The following STK32B variants were observed in gnomAD, a reference collection of about 807,000 sequenced individuals.
STK32B encodes the protein serine/threonine kinase 32B, also known as serine/threonine-protein kinase 32B.
Under a neutral mutation model 52.6 loss-of-function variants are expected in STK32B, and 43 were observed. The ratio of observed to expected loss-of-function variants is 0.82; its 90% CI spans 0.64 to 1.05. The LOEUF is 1.05. Among genes scored for constraint, STK32B ranks in the 50% least tolerant of loss-of-function variants. The probability of loss-of-function intolerance (pLI) is 0.00; values close to 1 mark genes in which losing one functional copy is unlikely to be tolerated. For synonymous variants in STK32B, 238 were observed against 204.3 expected (o/e 1.17, Z -1.41); for missense variants, 621 against 534.6 (o/e 1.16, Z -1.59).
intron 1 of STK32B, among the ~76,000 whole-genome samples, chr4:5,119,359 C>T (rs1714906447): frequency 6.6e-6 from 1 of 152,228 alleles, no homozygotes; most frequent in Non-Finnish European, 1.5e-5. Context: ...GAGCACCTCC[C>T]ACCAACGGGG....
At chr4:5,165,034 G>C (rs1020925531) in intron 2 of STK32B, among the ~76,000 whole-genome samples, 7 of 152,336 alleles carry the variant, frequency 4.6e-5, no homozygotes, top group African/African-American at 1.4e-4. Context: ...CCAGAGCCCA[G>C]TTTTCCTGAC....
intron 4 of STK32B, among the ~76,000 whole-genome samples, chr4:5,376,212 T>G (rs569582061): frequency 6.6e-6 from 1 of 152,322 alleles, no homozygotes; most frequent in African/African-American, 2.4e-5. Context: ...CCATCTGCTT[T>G]TGCTTTTTAA....
intron 3 of STK32B, among the ~76,000 whole-genome samples, chr4:5,194,890 C>A (rs1278044464): frequency 2.6e-5 from 4 of 152,160 alleles, no homozygotes; most frequent in Non-Finnish European, 5.9e-5. Flanking sequence ...AAAACTCATT[C>A]ACTCACTATC....
At chr4:5,382,134 A>G (rs779910249) in intron 4 of STK32B, among the ~76,000 whole-genome samples, 5 of 152,168 alleles carry the variant, frequency 3.3e-5, no homozygotes, top group Non-Finnish European at 7.3e-5. Context: ...CGCTTTACTC[A>G]AAGTCAACTG....
chr4:5,310,754 G>T (rs1281559422), intron 3 of STK32B, among the ~76,000 whole-genome samples: 3 of 152,120 alleles, frequency 2.0e-5, no homozygotes, highest in African/African-American at 7.2e-5. Flanking sequence ...ATTTATTGCA[G>T]CACTATTCAT....
rs1361392628 is a variant in STK32B at position 5,051,705 on chromosome 4, G to C, written c.-159G>C. Reference sequence around the variant, plus strand: ...GGGCGTCCAGGAGAAGGGGGACGCCGTCCCCGCCCCTGCACGGTGCTCGGC... The same window carrying C: ...GGGCGTCCAGGAGAAGGGGGACGCCCTCCCCGCCCCTGCACGGTGCTCGGC... On this transcript the variant is annotated 5_prime_UTR_variant, in exon 1 of 12. Transcript: ENST00000282908. The C allele has an allele frequency of 5.8e-6, 5 of 869,042 alleles. No homozygotes were observed. The South Asian group carries it at 7.6e-5, about 13-fold the overall frequency. 53.8% of individuals were successfully genotyped at this position (869,042 alleles called of 1,614,324 possible).
At chr4:5,137,736 C>G (rs1270062887) in intron 1 of STK32B, among the ~76,000 whole-genome samples, 1 of 152,154 alleles carries the variant, frequency 6.6e-6, no homozygotes, top group Non-Finnish European at 1.5e-5. Flanking sequence ...TGTTAGATGT[C>G]TACAGAAGGT....
intron 6 of STK32B, among the ~76,000 whole-genome samples, chr4:5,434,448 GTGTGTGTATATATATATATATA>G (rs1713863355): frequency 9.5e-6 from 1 of 105,242 alleles, no homozygotes; most frequent in African/African-American, 3.4e-5. Flanking sequence ...GTGTGTGTGT[GTGTGTGTATATATATATATATA>G]TATGATTTTT....
intron 7 of STK32B, among the ~76,000 whole-genome samples, chr4:5,448,180 A>C (rs149618679): frequency 6.6e-6 from 1 of 152,224 alleles, no homozygotes; most frequent in Non-Finnish European, 1.5e-5. Context: ...TTTCCCCTGA[A>C]TTCCTCAAAA....
rs571968560 is a variant in STK32B at position 5,239,456 on chromosome 4, C to T, written c.260+71006C>T. ...TGGCCTGAAGGTGAGGGGACAGTTG[C>T]AGGGACCAAGATTCAGCCTCTTGGG... On this transcript the variant is annotated intron_variant, in intron 3 of 11. Coordinates refer to ENST00000282908, the MANE Select transcript of STK32B (RefSeq NM_018401.3). Among the ~76,000 whole-genome samples the T allele has an allele frequency of 7.2e-5, 11 of 152,176 alleles. No homozygotes were observed. The South Asian group carries it at 2.3e-3, about 32-fold the overall frequency.
At chr4:5,068,771 G>A (rs985293331) in intron 1 of STK32B, among the ~76,000 whole-genome samples, 1 of 151,984 alleles carries the variant, frequency 6.6e-6, no homozygotes, top group Non-Finnish European at 1.5e-5. Context: ...GCTTTAAATT[G>A]GAGCCAGATT....
intron 3 of STK32B, among the ~76,000 whole-genome samples, chr4:5,256,208 G>T (rs558412372): frequency 6.6e-6 from 1 of 152,288 alleles, no homozygotes; most frequent in South Asian, 2.1e-4. Context: ...AGTGGCCTCT[G>T]ATCACCACAT....
At chr4:5,377,499 T>G (rs1735657893) in intron 4 of STK32B, among the ~76,000 whole-genome samples, 1 of 152,224 alleles carries the variant, frequency 6.6e-6, no homozygotes, top group South Asian at 2.1e-4. Flanking sequence ...AAGGAGGACT[T>G]TATATCAGTA....
intron 2 of STK32B, among the ~76,000 whole-genome samples, chr4:5,146,605 T>C (rs1443313853): frequency 6.6e-6 from 1 of 152,194 alleles, no homozygotes; most frequent in Admixed American, 6.5e-5. Context: ...CAGTCTCTTA[T>C]GGCAACACCC....
chr4:5,177,847 A>G (rs1720043580), intron 3 of STK32B, among the ~76,000 whole-genome samples: 1 of 152,204 alleles, frequency 6.6e-6, no homozygotes, highest in Non-Finnish European at 1.5e-5. Context: ...TGATGATGCA[A>G]GAGTTGGGCT....
intron 3 of STK32B, among the ~76,000 whole-genome samples, chr4:5,277,419 G>A (rs1727898443): frequency 6.6e-6 from 1 of 151,896 alleles, no homozygotes; most frequent in African/African-American, 2.4e-5. Context: ...TGCCTTAGAA[G>A]TGTTAGAGCA....
At chr4:5,408,904 C>CG (rs1196047212) in intron 5 of STK32B, among the ~76,000 whole-genome samples, 3 of 152,068 alleles carry the variant, frequency 2.0e-5, no homozygotes, top group African/African-American at 7.3e-5. Context: ...TTTTACTTGT[C>CG]GGAGCTTCAT....
chr4:5,481,792 T>A lies in STK32B; in HGVS notation c.1106+13722T>A, dbSNP rs553394463. 5.2e-3 allele frequency among the ~76,000 whole-genome samples: 786 copies of A among 152,292 alleles called. 8 individuals are homozygous for A. Among genetic ancestry groups the A allele is most frequent in the African/African-American group, 0.018 (746 of 41,542 alleles). On this transcript the variant is annotated intron_variant, in intron 11 of 11. Transcript: ENST00000282908. ...TGTAAGGAAGGGATCCAGTTTCGGC[T>A]TTCTACATATGGCTAGCCAGTTTTC...
intron 1 of STK32B, among the ~76,000 whole-genome samples, chr4:5,097,997 C>T (rs778753445): frequency 1.7e-4 from 26 of 152,268 alleles, no homozygotes; most frequent in South Asian, 4.2e-4. Flanking sequence ...CAGCCTTGGC[C>T]GGGATGGATC....
Sources: allele counts gnomAD v4.1 joint callset (sites outside exome capture counted in the v4.1 genomes callset), GRCh38; gene constraint gnomAD v4.1.1; transcripts MANE v1.5; gene names NCBI Gene and HGNC (gene_info 2026-07-23, HGNC 2026-07-21).